Variants in MYBPC1 observed in about 807,000 individuals in gnomAD.
MYBPC1 encodes the protein myosin-binding protein C, slow-type.
A neutral mutation model predicts 147.1 loss-of-function variants in MYBPC1; 52 were observed. The ratio of observed to expected loss-of-function variants is 0.35; its 90% CI spans 0.28 to 0.45. The LOEUF (loss-of-function observed/expected upper bound fraction) is 0.45. Among genes scored for constraint, MYBPC1 ranks in the 20% least tolerant of loss-of-function variants. The pLI is 1.00. For synonymous variants in MYBPC1, 477 were observed against 475.9 expected (o/e 1.00, Z -0.03); for missense variants, 1,228 against 1,440.3 (o/e 0.85, Z 2.39).
At chr12:101,663,238 C>T (rs1012820629) in intron 21 of MYBPC1, among the ~76,000 whole-genome samples, 188 bp from the exon 22 acceptor site, 20 of 152,160 alleles carry the variant, frequency 1.3e-4, no homozygotes, top group Admixed American at 2.6e-4. Flanking sequence ...ACAGCATTTC[C>T]AAAATTCTCA....
intron 3 of MYBPC1, among the ~76,000 whole-genome samples, chr12:101,619,507 A>T (rs1424210072): frequency 1.3e-5 from 2 of 152,220 alleles, no homozygotes; most frequent in Non-Finnish European, 2.9e-5. Context: ...TTGCAAAATG[A>T]ATGAGCAGTT....
intron 22 of MYBPC1, among the ~76,000 whole-genome samples, chr12:101,667,066 G>A (rs772993806): frequency 3.3e-5 from 5 of 152,068 alleles, no homozygotes; most frequent in Non-Finnish European, 7.4e-5. Context: ...CCTGAATGCT[G>A]GGTTAAAATT....
At chr12:101,603,345 CAAA>C (rs111935505) in intron 1 of MYBPC1, among the ~76,000 whole-genome samples, 1 of 127,922 alleles carries the variant, frequency 7.8e-6, no homozygotes, top group Non-Finnish European at 1.7e-5. Flanking sequence ...AACTCCGTCT[CAAA>C]AAAAAAAAAA....
intron 1 of MYBPC1, among the ~76,000 whole-genome samples, chr12:101,613,596 A>C (rs1430416045): frequency 6.6e-6 from 1 of 152,220 alleles, no homozygotes; most frequent in Admixed American, 6.5e-5. Context: ...GGGATTTGGC[A>C]CGGGAAATGC....
At position 101,644,710 on chromosome 12, in the gene MYBPC1, C is replaced by G. The variant is rs1296698380; in HGVS notation, c.879C>G (p.Gly293=). 6 of 1,613,796 alleles carry G rather than the reference C, an allele frequency of 3.7e-6. No individual in the cohort carries two copies. In the African/African-American group the frequency reaches 8.0e-5, roughly 22 times the overall value. The part of the protein sequence containing the change: ...LDPAYQVDKG[G]RVRFVVELAD... ...CTGCATATCAGGTTGACAAAGGAGG[C>G]AGAGTGAGGTTTGTTGTGGAGCTGG... The change falls in exon 12 of 32, where the codon GGC becomes GGG. Residue 293 remains glycine (G), a synonymous_variant. Transcript: ENST00000361466.
chr12:101,615,912 C>G (rs1885921282), intron 2 of MYBPC1, among the ~76,000 whole-genome samples: 1 of 151,730 alleles, frequency 6.6e-6, no homozygotes, highest in Non-Finnish European at 1.5e-5. Context: ...TTTTCTTTCT[C>G]TTTCTTGAGA....
In MYBPC1 at chr12:101,675,425, G is replaced by A; in HGVS notation, c.2943G>A (p.Lys981=). 2 of 1,614,176 alleles carry A rather than the reference G, an allele frequency of 1.2e-6. No homozygotes were observed. The highest frequency in any genetic ancestry group is 4.5e-5 in the East Asian group (2 of 44,886). The change falls in exon 26 of 32, where the codon AAG becomes AAA. Residue 981 remains lysine, a synonymous_variant. Coordinates refer to ENST00000361466, the MANE Select transcript of MYBPC1 (RefSeq NM_002465.4). The part of the protein sequence containing the change: ...TGYTIQKADK[K]SMEWFTVIEH... ...ATACCATTCAGAAGGCTGACAAGAA[G>A]AGCATGGTAAGGTCTGGCTTTCTCT...
intron 1 of MYBPC1, among the ~76,000 whole-genome samples, chr12:101,599,896 A>G (rs1879150386): frequency 6.6e-6 from 1 of 152,102 alleles, no homozygotes; most frequent in African/African-American, 2.4e-5. Context: ...AAGAAGGAAT[A>G]CCCTAGGGCA....
intron 15 of MYBPC1, among the ~76,000 whole-genome samples, chr12:101,650,457 CCTT>C (rs1034020464): frequency 2.6e-4 from 33 of 129,316 alleles, no homozygotes; most frequent in African/African-American, 1.2e-3. Context: ...GCAAATATGT[CCTT>C]CTTCACATGG....
chr12:101,629,576 T>A (rs537753778), intron 6 of MYBPC1, 32 bp downstream of exon 6: 19 of 1,531,882 alleles, frequency 1.2e-5, no homozygotes, highest in Admixed American at 8.4e-5. Flanking sequence ...CTTCCTTTTT[T>A]AAAAAATTAA....
chr12:101,692,170 G>A, the MYBPC1 span, among the ~76,000 whole-genome samples: 2 of 152,164 alleles, frequency 1.3e-5, no homozygotes, highest in African/African-American at 4.8e-5. Context: ...TATTAGGGAG[G>A]TAAGACTAGG....
At chr12:101,681,843 A>T (rs1302090284) in intron 29 of MYBPC1, among the ~76,000 whole-genome samples, 1 of 151,618 alleles carries the variant, frequency 6.6e-6, no homozygotes, top group East Asian at 1.9e-4. Flanking sequence ...TCCTGGCCTC[A>T]AGCAATCCAT....
chr12:101,616,224 G>A (rs1318753566), intron 2 of MYBPC1, among the ~76,000 whole-genome samples: 3 of 150,316 alleles, frequency 2.0e-5, no homozygotes, highest in African/African-American at 7.4e-5. Flanking sequence ...TAGTGTAGAT[G>A]TGTGACATTC....
intron 18 of MYBPC1, among the ~76,000 whole-genome samples, chr12:101,654,678 A>G (rs1895217448): frequency 2.0e-5 from 3 of 152,226 alleles, no homozygotes; most frequent in Non-Finnish European, 4.4e-5. Context: ...TGAGGAAACT[A>G]CCCAAGATTC....
rs1327601972 is a variant in MYBPC1 at position 101,667,764 on chromosome 12, A to C, written c.2389A>C (p.Ile797Leu). The stretch of plus-strand genomic sequence containing the variant: ...CTGGATAGTTGCAAACAAAGATCTG[A>C]TTGACAAGACGAAGTTCACCATCAC... ...EDWIVANKDL[I>L]DKTKFTITGL... The change falls in exon 23 of 32, where the codon ATT becomes CTT. Residue 797 changes from isoleucine (I) to leucine (L), a missense_variant. Transcript: ENST00000361466. 2 of 1,614,032 alleles carry C rather than the reference A, an allele frequency of 1.2e-6. No individual in the cohort carries two copies. The highest frequency in any genetic ancestry group is 2.7e-5 in the African/African-American group (2 of 74,920).
At chr12:101,639,477 C>T (rs1891612856) in intron 10 of MYBPC1, among the ~76,000 whole-genome samples, 2 of 152,118 alleles carry the variant, frequency 1.3e-5, no homozygotes, top group Non-Finnish European at 2.9e-5. Flanking sequence ...AAGATAGATG[C>T]TTCTCTTTAC....
Position 101,673,511 on chromosome 12 carries a change from G to A in MYBPC1, c.2698G>A (p.Asp900Asn). ...AATAAACATTCGCAACTCTGAGACT[G>A]ATACAATCATATTTATTAGAAAAGC... is the stretch of plus-strand genomic sequence containing the variant. ...NQINIRNSET[D>N]TIIFIRKAER... is the part of the protein sequence containing the mutation. The change falls in exon 25 of 32, where the codon GAT becomes AAT. Residue 900 changes from aspartate (D) to asparagine (N), a missense_variant. Physicochemically the swap from Asp to Asn is conservative, Grantham distance 23. This residue lies in a region of MYBPC1 where 1,077 missense variants were observed against 1,314.2 expected (regional missense o/e 0.82). Transcript: ENST00000361466. The A allele has an allele frequency of 6.2e-7, 1 of 1,614,066 alleles. No homozygotes were observed. Among genetic ancestry groups the A allele is most frequent in the East Asian group, 2.2e-5 (1 of 44,884 alleles).
rs748410979 is a variant in MYBPC1 at position 101,663,617 on chromosome 12, TCC to T, written c.2356+60_2356+61del. On this transcript the variant is annotated intron_variant, in intron 22 of 31. Transcript: ENST00000361466. ...GTCATCAATAGGTGAGATATGTCCC[TCC>T]CCTTTCTTTTGTCTCTCTTTCTTGA... 1.1e-3 allele frequency: 1,713 copies of T among 1,568,268 alleles called. 3 individuals are homozygous for T. Among genetic ancestry groups the T allele is most frequent in the Non-Finnish European group, 1.4e-3 (1,560 of 1,146,516 alleles).
intron 25 of MYBPC1, among the ~76,000 whole-genome samples, chr12:101,674,460 A>C (rs968798497): frequency 1.1e-4 from 17 of 152,304 alleles, no homozygotes; most frequent in Middle Eastern, 3.4e-3. Flanking sequence ...GTACCTGCCC[A>C]AAAAATAAAT....
Sources: allele counts gnomAD v4.1 joint callset (sites outside exome capture counted in the v4.1 genomes callset), GRCh38; gene constraint gnomAD v4.1.1; regional missense constraint gnomAD v4.1.1; transcripts MANE v1.5; gene names NCBI Gene and HGNC (gene_info 2026-07-23, HGNC 2026-07-21).